Variants in TRAP1 observed in about 807,000 individuals in gnomAD.
The protein encoded by TRAP1 is TNF receptor associated protein 1.
TRAP1 carries 102 observed loss-of-function variants against 89.1 expected under a neutral mutation model. That is an observed-to-expected ratio of 1.15 (90% CI 0.98 to 1.35). The LOEUF is 1.35. Ranked by LOEUF, TRAP1 falls within the 40% of genes most tolerant of loss-of-function variation. The pLI, the probability that TRAP1 is intolerant of heterozygous loss-of-function variation, is 0.00. For synonymous variants in TRAP1, 508 were observed against 388.0 expected (o/e 1.31, Z -3.64); for missense variants, 1,256 against 945.3 (o/e 1.33, Z -4.31).
At chr16:3,662,582 C>G in intron 15 of TRAP1, 1 of 613,534 alleles carries the variant, frequency 1.6e-6, no homozygotes, top group Non-Finnish European at 3.0e-6. Flanking sequence ...GGTAGCATGT[C>G]CCTTGTTTGG....
Position 3,658,182 on chromosome 16 carries a change from C to T in TRAP1, c.2062G>A (p.Ala688Thr), listed in dbSNP as rs2042827747. The stretch of plus-strand genomic sequence containing the variant: ...AGCTCATTCAAGCGGCCCACCATGG[C>T]CCTAGGGTCGTCAACAAGTCCAGCA... ...IAAGLVDDPRAMVGRLNELLV... is the reference protein window; with the variant it reads ...IAAGLVDDPRTMVGRLNELLV... The change falls in exon 18 of 18, where the codon GCC (alanine) becomes ACC (threonine). Residue 688 changes from alanine (A) to threonine (T), a missense_variant. Transcript: ENST00000246957. The T allele has an allele frequency of 6.2e-7, 1 of 1,613,980 alleles. No homozygotes were observed. The highest frequency in any genetic ancestry group is 1.3e-5 in the African/African-American group (1 of 74,928).
intron 10 of TRAP1, 50 bp from the exon 11 acceptor site, chr16:3,671,841 A>G (rs1310224273): frequency 1.3e-6 from 2 of 1,578,786 alleles, no homozygotes; most frequent in Non-Finnish European, 1.7e-6. Flanking sequence ...CCTCCACACC[A>G]CCCAACATTC....
chr16:3,703,818 A>G (rs1027764541), intron 1 of TRAP1, among the ~76,000 whole-genome samples: 3 of 151,754 alleles, frequency 2.0e-5, no homozygotes, highest in African/African-American at 7.3e-5. Flanking sequence ...GATCAAGATC[A>G]TCCTGGCTAA....
At chr16:3,692,361 C>T (rs1280799738) in intron 1 of TRAP1, among the ~76,000 whole-genome samples, 1 of 151,888 alleles carries the variant, frequency 6.6e-6, no homozygotes, top group East Asian at 2.0e-4. Context: ...CATGGAGAAA[C>T]CCCATCTGTA....
At chr16:3,707,718 G>A (rs572361435) in intron 1 of TRAP1, among the ~76,000 whole-genome samples, 2 of 151,622 alleles carry the variant, frequency 1.3e-5, no homozygotes, top group African/African-American at 4.8e-5. Flanking sequence ...GCTGGGAGTC[G>A]CAGCGGGCAT....
At chr16:3,677,219 G>T (rs1377970434) in intron 6 of TRAP1, among the ~76,000 whole-genome samples, 1 of 152,150 alleles carries the variant, frequency 6.6e-6, no homozygotes, top group Non-Finnish European at 1.5e-5. Context: ...CAGGCGACAG[G>T]CCAGTCCTGC....
chr16:3,713,693 G>A (rs1016129097), intron 1 of TRAP1, among the ~76,000 whole-genome samples: 3 of 152,198 alleles, frequency 2.0e-5, no homozygotes, highest in Non-Finnish European at 4.4e-5. Flanking sequence ...ACCCGTCACC[G>A]TACCTGCCTG....
chr16:3,661,643 C>T (rs191444180), intron 16 of TRAP1: 36 of 247,786 alleles, frequency 1.5e-4, no homozygotes, highest in Non-Finnish European at 1.8e-4. Context: ...AAGTGAGCAA[C>T]GTGAGACTTC....
At chr16:3,670,291 G>A (rs1278813413) in intron 11 of TRAP1, among the ~76,000 whole-genome samples, 1 of 147,462 alleles carries the variant, frequency 6.8e-6, no homozygotes, top group Non-Finnish European at 1.5e-5. Flanking sequence ...GCTGAGACAG[G>A]AGAATGGCGT....
At chr16:3,684,971 G>A (rs985102522) in intron 4 of TRAP1, among the ~76,000 whole-genome samples, 3 of 152,134 alleles carry the variant, frequency 2.0e-5, no homozygotes, top group Non-Finnish European at 4.4e-5. Flanking sequence ...AATCATTATT[G>A]TAACATAAAT....
At position 3,658,332 on chromosome 16, in the gene TRAP1, A is replaced by C. The variant is rs142555666; in HGVS notation, c.2014-102T>G. 4.5e-4 allele frequency: 421 copies of C among 940,054 alleles called. 5 individuals carry two copies. In the East Asian group the frequency reaches 0.011, roughly 24 times the overall value. 58.2% of individuals were successfully genotyped at this position (940,054 alleles called of 1,614,324 possible). On this transcript the variant is annotated intron_variant, in intron 17 of 17. Coordinates refer to ENST00000246957, the MANE Select transcript of TRAP1 (RefSeq NM_016292.3). ...CACTGTTGCCGAGGCTGGAGTGCAG[A>C]GGCACGATCTCGGCTCACTGCAACC...
intron 11 of TRAP1, among the ~76,000 whole-genome samples, chr16:3,668,591 C>G (rs1368912957): frequency 1.3e-5 from 2 of 152,176 alleles, no homozygotes; most frequent in Admixed American, 6.5e-5. Flanking sequence ...GTGATTCTTT[C>G]AAAAGCTCTA....
intron 10 of TRAP1, among the ~76,000 whole-genome samples, chr16:3,671,993 G>C (rs1311693296): frequency 2.0e-5 from 3 of 152,254 alleles, no homozygotes; most frequent in Non-Finnish European, 4.4e-5. Flanking sequence ...GGGTGGCCGG[G>C]ACAGCCTCGG....
chr16:3,710,879 A>ATTT (rs1181110685), intron 1 of TRAP1, among the ~76,000 whole-genome samples: 23 of 125,790 alleles, frequency 1.8e-4, no homozygotes, highest in African/African-American at 6.5e-4. Flanking sequence ...ATATATATAT[A>ATTT]TTTTTTTTTT....
chr16:3,668,542 A>G (rs1314545998), intron 11 of TRAP1, among the ~76,000 whole-genome samples: 1 of 152,198 alleles, frequency 6.6e-6, no homozygotes, highest in Non-Finnish European at 1.5e-5. Context: ...ATTCGAGGAA[A>G]AACATGTTCT....
intron 11 of TRAP1, 21 bp downstream of exon 11, chr16:3,671,701 T>G (rs762945834): frequency 1.9e-6 from 3 of 1,610,712 alleles, no homozygotes; most frequent in Non-Finnish European, 8.5e-7. Context: ...CAGGGTCCTC[T>G]CCCCGCGGCC....
At chr16:3,662,221 C>G in intron 15 of TRAP1, 89 bp from the exon 16 acceptor site, 6 of 1,494,072 alleles carry the variant, frequency 4.0e-6, no homozygotes, top group Non-Finnish European at 5.4e-6. Flanking sequence ...GTCACCCAGA[C>G]CACGAGGTAG....
intron 1 of TRAP1, among the ~76,000 whole-genome samples, chr16:3,713,126 C>T (rs112573667): frequency 0.011 from 1,730 of 152,190 alleles, 33 homozygotes; most frequent in African/African-American, 0.04. Flanking sequence ...CAGACAGAGT[C>T]GCAACTGACC....
chr16:3,701,145 G>A (rs1406236388), intron 1 of TRAP1, among the ~76,000 whole-genome samples: 2 of 152,170 alleles, frequency 1.3e-5, no homozygotes, highest in Non-Finnish European at 2.9e-5. Flanking sequence ...GAAAGCTGGA[G>A]TGGCTCTATT....
Sources: gnomAD v4.1 joint callset for allele counts (sites outside exome capture counted in the v4.1 genomes callset) on GRCh38, gnomAD v4.1.1 for gene constraint, MANE v1.5 for transcripts, NCBI Gene and HGNC (gene_info 2026-07-23, HGNC 2026-07-21) for gene names.